ZNF808: variants seen among roughly 807,000 people sequenced by gnomAD.
ZNF808 encodes the protein zinc finger protein 808.
A neutral mutation model predicts 8.7 loss-of-function variants in ZNF808; 5 were observed. That is an observed-to-expected ratio of 0.58 (90% CI 0.30 to 1.21). The LOEUF is 1.21. Ranked by LOEUF, ZNF808 falls within the 50% of genes most tolerant of loss-of-function variation. The pLI is 0.07. For missense variants in ZNF808, 1,103 were observed against 1,098.4 expected (o/e 1.00, Z -0.06); for synonymous variants, 380 against 366.0 (o/e 1.04, Z -0.44).
intron 2 of ZNF808, among the ~76,000 whole-genome samples, chr19:52,534,197 C>T (rs777237724): frequency 6.6e-6 from 1 of 152,140 alleles, no homozygotes; most frequent in African/African-American, 2.4e-5. Flanking sequence ...TGCCACCATG[C>T]CCAGCTAATT....
In ZNF808 at chr19:52,529,101, C is replaced by T. The variant is rs537050179; in HGVS notation, c.-122+1390C>T. Among the ~76,000 whole-genome samples the T allele has an allele frequency of 6.9e-4, 104 of 151,706 alleles. 1 individual carries two copies. Among genetic ancestry groups the T allele is most frequent in the African/African-American group, 2.5e-3 (104 of 41,360 alleles). The stretch of plus-strand genomic sequence containing the variant: ...CAGTAATGAAGAAAGGGGGGCTAGG[C>T]ACAGTGGCTCACGCCTGTAGTCTCC... On this transcript the variant is annotated intron_variant, in intron 1 of 4. Coordinates refer to ENST00000359798, the MANE Select transcript of ZNF808 (RefSeq NM_001039886.4).
At chr19:52,550,821 A>G (rs1427515752) in intron 4 of ZNF808, among the ~76,000 whole-genome samples, 2 of 152,202 alleles carry the variant, frequency 1.3e-5, no homozygotes, top group African/African-American at 4.8e-5. Context: ...TAAGTTTTAT[A>G]GTACATTCTC....
At position 52,547,644 on chromosome 19, in the gene ZNF808, G is replaced by C. The variant is rs374279025; in HGVS notation, c.190+6G>C. 10 of 1,613,200 alleles carry C rather than the reference G, an allele frequency of 6.2e-6. No homozygotes were observed. The African/African-American group carries it at 1.2e-4, about 19-fold the overall frequency. On this transcript the variant is annotated splice_donor_region_variant and intron_variant, in intron 4 of 4. Transcript: ENST00000359798. The stretch of plus-strand genomic sequence containing the variant: ...CAGGAACCTGGAGGCTGTGGGTGAG[G>C]AAAATGTCCCTGCAGACATGAGGAG...
downstream of ZNF808, among the ~76,000 whole-genome samples, chr19:52,557,190 C>G (rs2059840795): frequency 1.3e-5 from 2 of 151,638 alleles, no homozygotes; most frequent in Admixed American, 1.3e-4. Flanking sequence ...AGGCTGGTCT[C>G]AAACTCCTGA....
intron 4 of ZNF808, among the ~76,000 whole-genome samples, chr19:52,551,669 A>G (rs1292572983): frequency 2.0e-5 from 3 of 152,100 alleles, no homozygotes; most frequent in Non-Finnish European, 4.4e-5. Context: ...GCTTTTCGGT[A>G]TGTGGTATGC....
At chr19:52,538,626 C>T (rs113151497) in intron 2 of ZNF808, among the ~76,000 whole-genome samples, 24,162 of 114,578 alleles carry the variant, frequency 0.21, 2,958 homozygotes, top group East Asian at 0.38. Context: ...GAAACTCTGT[C>T]TCAAAAAAAC....
At chr19:52,552,310 C>G (rs1442044817) in intron 4 of ZNF808, among the ~76,000 whole-genome samples, 5 of 152,098 alleles carry the variant, frequency 3.3e-5, no homozygotes, top group African/African-American at 1.2e-4. Flanking sequence ...AGCCACCGCA[C>G]CCGGCCCAAA....
At chr19:52,561,198 CTCTCTCTCTCTCTCTATATATA>C (rs1286797959), downstream of ZNF808, among the ~76,000 whole-genome samples, 1,854 of 52,912 alleles carry the variant, frequency 0.035, 49 homozygotes, top group South Asian at 0.059. Context: ...CTCTCTCTCT[CTCTCTCTCTCTCTCTATATATA>C]TATATATATA....
At position 52,543,231 on chromosome 19, in the gene ZNF808, T is replaced by G; in HGVS notation, c.-19-35T>G. On this transcript the variant is annotated intron_variant, in intron 2 of 4. Coordinates refer to ENST00000359798, the MANE Select transcript of ZNF808 (RefSeq NM_001039886.4). ...TTGTCACAGGAAGGGAGTGAGTCAT[T>G]TCTAACATGAAGTCTTATTTTTTTT... 1.9e-6 allele frequency: 3 copies of G among 1,605,004 alleles called. No individual in the cohort carries two copies. In the Admixed American group the frequency reaches 5.1e-5, roughly 27 times the overall value.
At position 52,553,941 on chromosome 19, in the gene ZNF808, C is replaced by T. The variant is rs1171412049; in HGVS notation, c.1025C>T (p.Pro342Leu). ...AAGGCAATTCATACTGGAGAGAAAC[C>T]TTACAAGTGTAATGAATGTGGCAAG... ...IHKAIHTGEK[P>L]YKCNECGKAF... is the part of the protein sequence containing the mutation. The change falls in exon 5 of 5, where the codon CCT (proline) becomes CTT (leucine). Residue 342 changes from proline to leucine, a missense_variant. By Grantham distance (98) the Pro-to-Leu change is moderately conservative (BLOSUM62 -3). Coordinates refer to ENST00000359798, the MANE Select transcript of ZNF808 (RefSeq NM_001039886.4). 2.5e-6 allele frequency: 4 copies of T among 1,613,994 alleles called. No individual in the cohort carries two copies. Among genetic ancestry groups the T allele is most frequent in the African/African-American group, 1.3e-5 (1 of 74,916 alleles).
chr19:52,540,177 A>G (rs1264160608), intron 2 of ZNF808, among the ~76,000 whole-genome samples: 1 of 151,822 alleles, frequency 6.6e-6, no homozygotes, highest in Non-Finnish European at 1.5e-5. Flanking sequence ...ATGCCCTGCT[A>G]ATGTTTGTAT....
chr19:52,562,803 T>C (rs887101897), intron 3 of ZNF808, among the ~76,000 whole-genome samples: 5 of 152,130 alleles, frequency 3.3e-5, no homozygotes, highest in Non-Finnish European at 7.4e-5. Flanking sequence ...AGACAGAGTC[T>C]TGCCCTGTTA....
downstream of ZNF808, chr19:52,556,817 T>C (rs1457756728): frequency 2.0e-5 from 3 of 152,190 alleles, no homozygotes; most frequent in East Asian, 3.9e-4. Flanking sequence ...TGGTTTTCAG[T>C]TTCCTTTCCT....
intron 4 of ZNF808, among the ~76,000 whole-genome samples, chr19:52,552,482 G>C (rs1353222661): frequency 6.7e-6 from 1 of 149,240 alleles, no homozygotes; most frequent in Non-Finnish European, 1.5e-5. Flanking sequence ...GTGTGATCTT[G>C]GCTCACTGCA....
intron 2 of ZNF808, among the ~76,000 whole-genome samples, chr19:52,534,445 C>G (rs1423764952): frequency 6.6e-6 from 1 of 152,176 alleles, no homozygotes; most frequent in African/African-American, 2.4e-5. Flanking sequence ...CTGTTTGCCT[C>G]TATTTCCCAT....
At chr19:52,565,696 T>C (rs1292919237), downstream of ZNF808, among the ~76,000 whole-genome samples, 1 of 152,208 alleles carries the variant, frequency 6.6e-6, no homozygotes, top group Non-Finnish European at 1.5e-5. Context: ...CTCTCACATA[T>C]AAATTGTGTA....
chr19:52,546,496 T>C (rs963106724), intron 3 of ZNF808, among the ~76,000 whole-genome samples: 1 of 152,030 alleles, frequency 6.6e-6, no homozygotes, highest in Non-Finnish European at 1.5e-5. Context: ...ATCATGATAG[T>C]TTTTAGATTT....
At chr19:52,536,352 G>T (rs1309347650) in intron 2 of ZNF808, among the ~76,000 whole-genome samples, 3 of 152,010 alleles carry the variant, frequency 2.0e-5, no homozygotes, top group Non-Finnish European at 4.4e-5. Flanking sequence ...CCCGACCCGC[G>T]AGGTGGATTC....
chr19:52,542,176 T>C (rs954999435), intron 2 of ZNF808, among the ~76,000 whole-genome samples: 2 of 151,874 alleles, frequency 1.3e-5, no homozygotes, highest in Non-Finnish European at 2.9e-5. Flanking sequence ...TCACTGCAAC[T>C]TCTGACTCCT....
Sources: allele counts gnomAD v4.1 joint callset (sites outside exome capture counted in the v4.1 genomes callset), GRCh38; gene constraint gnomAD v4.1.1; transcripts MANE v1.5; gene names NCBI Gene and HGNC (gene_info 2026-07-23, HGNC 2026-07-21).